CLASP2: variants seen among roughly 807,000 people sequenced by gnomAD.
CLASP2 encodes the protein cytoplasmic linker associated protein 2.
CLASP2 carries 47 observed loss-of-function variants against 194.4 expected under a neutral mutation model. The ratio of observed to expected loss-of-function variants is 0.24; its 90% confidence interval spans 0.19 to 0.31. The LOEUF (loss-of-function observed/expected upper bound fraction) is 0.31. Among genes scored for constraint, CLASP2 ranks in the 10% least tolerant of loss-of-function variants. The pLI is 1.00. For missense variants in CLASP2, 1,445 were observed against 1,823.6 expected (o/e 0.79, Z 3.78); for synonymous variants, 619 against 633.5 (o/e 0.98, Z 0.34).
intron 6 of CLASP2, chr3:33,683,679 C>G (rs1372301544): frequency 6.6e-6 from 1 of 152,164 alleles, no homozygotes; most frequent in East Asian, 1.9e-4. Flanking sequence ...TACGGTGGCT[C>G]TCACCTAATC....
intron 30 of CLASP2, among the ~76,000 whole-genome samples, chr3:33,550,037 G>C (rs758979084): frequency 6.6e-6 from 1 of 152,054 alleles, no homozygotes; most frequent in Non-Finnish European, 1.5e-5. Context: ...TCCGGCCTAT[G>C]TGTACTCCTT....
intron 23 of CLASP2, chr3:33,577,110 A>G: frequency 1.0e-6 from 1 of 971,546 alleles, no homozygotes; most frequent in Non-Finnish European, 1.5e-6. Context: ...TAAAAAATCA[A>G]TTTTAAAACA....
chr3:33,671,775 G>C (rs1050737440), intron 6 of CLASP2, among the ~76,000 whole-genome samples: 5 of 152,114 alleles, frequency 3.3e-5, no homozygotes, highest in Non-Finnish European at 5.9e-5. Flanking sequence ...AAAAAATGGC[G>C]CACCAGGAGA....
chr3:33,596,573 C>A lies in CLASP2; in HGVS notation c.1948+138G>T, dbSNP rs576476307. ...CAAATTCATTCAGAGAATTATGTAG[C>A]CATTTTCACATTAACATTATCACTA... is the stretch of plus-strand genomic sequence containing the variant. On this transcript the variant is annotated intron_variant, in intron 19 of 38. Transcript: ENST00000682230. 3.0e-5 allele frequency: 22 copies of A among 729,526 alleles called. No individual in the cohort carries two copies. The African/African-American group carries it at 3.0e-4, about 10-fold the overall frequency. 45.2% of individuals were successfully genotyped at this position (729,526 alleles called of 1,614,324 possible). A position where few individuals can be genotyped will look rare whatever the true frequency, so the allele number is the denominator to read the frequency against.
chr3:33,506,378 G>A (rs55876775), intron 37 of CLASP2, among the ~76,000 whole-genome samples: 51,003 of 59,314 alleles, frequency 0.86, 21,525 homozygotes, highest in South Asian at 0.93. Context: ...ACTCTGTCTC[G>A]AAAAAAAAAA....
chr3:33,526,015 C>T (rs954461890), intron 34 of CLASP2, among the ~76,000 whole-genome samples: 24 of 151,756 alleles, frequency 1.6e-4, no homozygotes, highest in Non-Finnish European at 2.9e-4. Flanking sequence ...GACCAGGGGG[C>T]GGAAGGGATT....
chr3:33,557,166 G>T (rs1312722438), intron 29 of CLASP2, among the ~76,000 whole-genome samples: 1 of 151,648 alleles, frequency 6.6e-6, no homozygotes, highest in Non-Finnish European at 1.5e-5. Context: ...TAGAGACAGG[G>T]TTTCTCCATG....
At chr3:33,538,275 C>G (rs1276044746) in intron 33 of CLASP2, among the ~76,000 whole-genome samples, 2 of 152,196 alleles carry the variant, frequency 1.3e-5, no homozygotes, top group African/African-American at 2.4e-5. Context: ...TTTGGATTTG[C>G]TAATTATTTC....
At chr3:33,665,141 G>C (rs1435216146) in intron 6 of CLASP2, among the ~76,000 whole-genome samples, 2 of 151,954 alleles carry the variant, frequency 1.3e-5, no homozygotes, top group Non-Finnish European at 2.9e-5. Context: ...GAGGATTTCG[G>C]AGAGCTGTTT....
Position 33,619,620 on chromosome 3 carries a change from T to C in CLASP2, c.1300A>G (p.Ile434Val), listed in dbSNP as rs377648606. The change falls in exon 12 of 39, where the codon ATC (isoleucine) becomes GTC (valine). Residue 434 changes from isoleucine to valine, a missense_variant. By Grantham distance (29) the Ile-to-Val change is conservative. Transcript: ENST00000682230. ...KVMATSGCAA[I>V]RFIIRHTHVP... ...AAACCTACCCGAATGATAAATCTGA[T>C]TGCTGCACATCCAGAAGTTGCCATG... 7 of 1,550,276 alleles carry C rather than the reference T, an allele frequency of 4.5e-6. No homozygotes were observed. Among genetic ancestry groups the C allele is most frequent in the Admixed American group, 2.0e-5 (1 of 50,776 alleles).
intron 4 of CLASP2, among the ~76,000 whole-genome samples, chr3:33,687,594 C>T (rs2090844619): frequency 1.3e-5 from 2 of 152,040 alleles, no homozygotes; most frequent in Admixed American, 6.5e-5. Context: ...AGACTGAGTA[C>T]ACTTATAGGC....
In CLASP2 at chr3:33,503,334, A is replaced by G. The variant is rs574667112; in HGVS notation, c.4318-1566T>C. ...GTGCTGCTATGAACATTCATGTATA[A>G]CTATTTAAATATTTGCTTTGACTTC... is the stretch of plus-strand genomic sequence containing the variant. On this transcript the variant is annotated intron_variant, in intron 37 of 38. Coordinates refer to ENST00000682230, the MANE Select transcript of CLASP2 (RefSeq NM_001365631.1). 1.4e-3 allele frequency: 211 copies of G among 152,104 alleles called. 2 individuals carry two copies. The highest frequency in any genetic ancestry group is 4.9e-3 in the African/African-American group (202 of 41,506). 9.4% of individuals were successfully genotyped at this position (152,104 alleles called of 1,614,324 possible). A position where few individuals can be genotyped will look rare whatever the true frequency, so the allele number is the denominator to read the frequency against.
chr3:33,590,200 T>A (rs1490843789), intron 21 of CLASP2, among the ~76,000 whole-genome samples: 1 of 152,192 alleles, frequency 6.6e-6, no homozygotes, highest in Non-Finnish European at 1.5e-5. Flanking sequence ...CATCATTTAA[T>A]CCTCACAACA....
At chr3:33,656,893 C>T (rs1243460545) in intron 7 of CLASP2, among the ~76,000 whole-genome samples, 3 of 151,960 alleles carry the variant, frequency 2.0e-5, no homozygotes, top group Admixed American at 1.3e-4. Context: ...GTATCATTTA[C>T]GTAAACACAG....
At chr3:33,599,454 A>C (rs757149247) in intron 18 of CLASP2, among the ~76,000 whole-genome samples, 16 of 152,138 alleles carry the variant, frequency 1.1e-4, no homozygotes, top group Non-Finnish European at 2.2e-4. Context: ...CTATATACCA[A>C]GTGTCCACTG....
At chr3:33,706,264 AC>A (rs2092680037) in intron 1 of CLASP2, among the ~76,000 whole-genome samples, 1 of 152,174 alleles carries the variant, frequency 6.6e-6, no homozygotes, top group Admixed American at 6.5e-5. Flanking sequence ...CACACAAAAA[AC>A]ACACAAAGAC....
chr3:33,659,263 G>C, intron 7 of CLASP2: 5 of 1,242,086 alleles, frequency 4.0e-6, no homozygotes, highest in Non-Finnish European at 5.0e-6. Flanking sequence ...TATGCTGTTG[G>C]ATACAGGTTA....
Position 33,676,278 on chromosome 3 carries a change from G to A in CLASP2, c.644+8081C>T, listed in dbSNP as rs1305569959. Among the ~76,000 whole-genome samples the A allele has an allele frequency of 2.9e-4, 42 of 146,444 alleles. 1 individual carries two copies. Among genetic ancestry groups the A allele is most frequent in the East Asian group, 1.6e-3 (8 of 4,886 alleles). On this transcript the variant is annotated intron_variant, in intron 6 of 38. Transcript: ENST00000682230. ...GAACAGAGCCCTCAGAAATAACGCC[G>A]CATATCTACAACTATCTGATCTTTG...
intron 1 of CLASP2, among the ~76,000 whole-genome samples, chr3:33,698,799 A>T (rs1229394050): frequency 1.3e-5 from 2 of 152,208 alleles, no homozygotes; most frequent in East Asian, 3.8e-4. Flanking sequence ...GCTCTTAAAC[A>T]TCTTAAACAC....
Sources: gnomAD v4.1 joint callset for allele counts (sites outside exome capture counted in the v4.1 genomes callset) on GRCh38, gnomAD v4.1.1 for gene constraint, MANE v1.5 for transcripts, NCBI Gene and HGNC (gene_info 2026-07-23, HGNC 2026-07-21) for gene names.